The following UNC5D variants were observed in gnomAD, a reference collection of about 807,000 sequenced individuals.
UNC5D encodes the protein netrin receptor UNC5D.
A neutral mutation model predicts 105.4 loss-of-function variants in UNC5D; 39 were observed. That is an observed-to-expected ratio of 0.37 (90% CI 0.29 to 0.48). UNC5D has a LOEUF of 0.48. Ranked by LOEUF, UNC5D falls within the 20% of genes least tolerant of loss-of-function variation. The probability of loss-of-function intolerance (pLI) is 0.98; values close to 1 mark genes in which losing one functional copy is unlikely to be tolerated. For missense variants in UNC5D, 991 were observed against 1,202.4 expected, an observed-to-expected ratio of 0.82 and a Z score of 2.60; for synonymous variants, 452 against 450.4, an observed-to-expected ratio of 1.00 and a Z score of -0.04.
chr8:35,744,525 C>T (rs769700316), intron 11 of UNC5D, among the ~76,000 whole-genome samples: 1 of 152,132 alleles, frequency 6.6e-6, no homozygotes, highest in Middle Eastern at 3.2e-3. Context: ...TTTCCCTTCT[C>T]ATTGATTCAT....
chr8:35,590,194 A>G (rs1182244215), intron 3 of UNC5D, among the ~76,000 whole-genome samples: 2 of 152,022 alleles, frequency 1.3e-5, no homozygotes, highest in Admixed American at 1.3e-4. Context: ...CTCTTTATAT[A>G]TTAAGGCTGT....
chr8:35,603,943 A>C (rs966895503), intron 4 of UNC5D, among the ~76,000 whole-genome samples: 2 of 152,014 alleles, frequency 1.3e-5, no homozygotes, highest in South Asian at 2.1e-4. Flanking sequence ...GTGTCTCTGC[A>C]TGTGAGATGG....
Position 35,705,909 on chromosome 8 carries a change from T to C in UNC5D, c.1085-20T>C. On this transcript the variant is annotated intron_variant, in intron 7 of 16. Transcript: ENST00000404895. ...AATTTATTAAATGCAACTTTCTTTT[T>C]CTTTCTTTCTTTCTTTTAGATAAAA... 1 of 1,275,436 alleles carries C rather than the reference T, an allele frequency of 7.8e-7. No individual in the cohort carries two copies. The highest frequency in any genetic ancestry group is 1.1e-6 in the Non-Finnish European group (1 of 914,654). The allele number at this position is 1,275,436 out of a possible 1,614,324, so 79.0% of individuals were successfully genotyped here.
rs148703348 is a variant in UNC5D at position 35,718,749 on chromosome 8, A to T, written c.1118-3461A>T. 3.6e-3 allele frequency among the ~76,000 whole-genome samples: 555 copies of T among 152,244 alleles called. 1 individual carries two copies. Among genetic ancestry groups the T allele is most frequent in the Middle Eastern group, 0.01 (3 of 294 alleles). ...TCCAGGACAGGATCACCTTCATGGGAGAGGAAGACTTTGCACTGGGTACCC... is the reference window on the plus strand; with the variant it reads ...TCCAGGACAGGATCACCTTCATGGGTGAGGAAGACTTTGCACTGGGTACCC... On this transcript the variant is annotated intron_variant, in intron 8 of 16. Transcript: ENST00000404895.
intron 1 of UNC5D, among the ~76,000 whole-genome samples, chr8:35,471,490 G>A (rs1809722269): frequency 6.6e-6 from 1 of 152,090 alleles, no homozygotes; most frequent in African/African-American, 2.4e-5. Context: ...TAATATTGGA[G>A]AAAATAAATG....
chr8:35,664,399 C>T (rs886519961), intron 4 of UNC5D, among the ~76,000 whole-genome samples: 1 of 152,106 alleles, frequency 6.6e-6, no homozygotes, highest in Non-Finnish European at 1.5e-5. Flanking sequence ...TGAGATGGAG[C>T]CTTTCTTGCT....
At chr8:35,680,718 C>A (rs1285393402) in intron 4 of UNC5D, among the ~76,000 whole-genome samples, 1 of 152,144 alleles carries the variant, frequency 6.6e-6, no homozygotes, top group Non-Finnish European at 1.5e-5. Context: ...TTCTTGATTT[C>A]CAGGTGCTAG....
chr8:35,335,024 C>G (rs930771959), intron 1 of UNC5D, among the ~76,000 whole-genome samples: 1 of 152,104 alleles, frequency 6.6e-6, no homozygotes, highest in Admixed American at 6.5e-5. Flanking sequence ...TCTAGAAATT[C>G]ATGTAAATAG....
At position 35,683,648 on chromosome 8, in the gene UNC5D, G is replaced by A. The variant is rs1043690025; in HGVS notation, c.672G>A (p.Ser224=). Residue 224 remains serine, a synonymous_variant, in exon 5 of 17, where the codon TCG becomes TCA. Coordinates refer to ENST00000404895, the MANE Select transcript of UNC5D (RefSeq NM_080872.4). The part of the protein sequence containing the change: ...HNLIIRQARL[S]DSGNYTCMAA... ...TGATCATCAGGCAGGCACGGCTCTC[G>A]GACTCAGGAAATTACACCTGCATGG... 9 of 1,578,172 alleles carry A rather than the reference G, an allele frequency of 5.7e-6. No homozygotes were observed. The highest frequency in any genetic ancestry group is 4.0e-5 in the Admixed American group (2 of 50,466).
At chr8:35,490,583 A>G (rs549432596) in intron 1 of UNC5D, among the ~76,000 whole-genome samples, 15 of 152,276 alleles carry the variant, frequency 9.9e-5, no homozygotes, top group African/African-American at 3.6e-4. Flanking sequence ...CTTTCAATAT[A>G]GCTTTTATAT....
intron 4 of UNC5D, among the ~76,000 whole-genome samples, chr8:35,640,950 G>C (rs1306475238): frequency 6.6e-6 from 1 of 151,254 alleles, no homozygotes; most frequent in African/African-American, 2.4e-5. Context: ...CTTTCTAATA[G>C]TTCTCTGAAA....
chr8:35,741,997 GAGA>G (rs1207947086), intron 11 of UNC5D, among the ~76,000 whole-genome samples: 3 of 152,324 alleles, frequency 2.0e-5, no homozygotes, highest in East Asian at 3.9e-4. Context: ...CTATAATAAA[GAGA>G]AGATGTTGCT....
intron 1 of UNC5D, chr8:35,254,202 T>C (rs1199298126): frequency 1.3e-5 from 2 of 152,200 alleles, no homozygotes; most frequent in Non-Finnish European, 2.9e-5. Flanking sequence ...AAACAATGAA[T>C]ACAGTGTTTT....
intron 1 of UNC5D, among the ~76,000 whole-genome samples, chr8:35,345,608 G>T (rs1235821798): frequency 6.6e-6 from 1 of 152,016 alleles, no homozygotes; most frequent in Non-Finnish European, 1.5e-5. Flanking sequence ...AAGAGTAAAC[G>T]TAGCTGTGTG....
intron 1 of UNC5D, among the ~76,000 whole-genome samples, chr8:35,339,488 T>C (rs919129008): frequency 2.0e-5 from 3 of 152,196 alleles, no homozygotes; most frequent in African/African-American, 7.2e-5. Context: ...TGATTTAGGA[T>C]TGGAAGGAAG....
At chr8:35,788,917 TTCGTTC>T (rs1214460444) in intron 16 of UNC5D, among the ~76,000 whole-genome samples, 4 of 151,602 alleles carry the variant, frequency 2.6e-5, no homozygotes, top group Non-Finnish European at 5.9e-5. Flanking sequence ...TCTACCCTTG[TTCGTTC>T]TTCCTCTTTC....
intron 10 of UNC5D, among the ~76,000 whole-genome samples, chr8:35,730,307 TC>T (rs1337320636): frequency 1.3e-5 from 2 of 152,194 alleles, no homozygotes; most frequent in Non-Finnish European, 2.9e-5. Context: ...TGCCTTCCCT[TC>T]CTGCATTGTA....
intron 7 of UNC5D, among the ~76,000 whole-genome samples, chr8:35,692,848 CAA>C (rs1826502225): frequency 6.6e-6 from 1 of 152,214 alleles, no homozygotes; most frequent in Non-Finnish European, 1.5e-5. Context: ...CCTTTTTACA[CAA>C]AGACTTTTTC....
At chr8:35,699,498 G>C (rs993748808) in intron 7 of UNC5D, among the ~76,000 whole-genome samples, 4 of 152,068 alleles carry the variant, frequency 2.6e-5, no homozygotes, top group African/African-American at 9.7e-5. Flanking sequence ...ACTCATAGAA[G>C]TTGTTATTTA....
Sources: gnomAD v4.1 joint callset for allele counts (sites outside exome capture counted in the v4.1 genomes callset) on GRCh38, gnomAD v4.1.1 for gene constraint, MANE v1.5 for transcripts, NCBI Gene and HGNC (gene_info 2026-07-23, HGNC 2026-07-21) for gene names.